Variants in MMS19 observed in about 807,000 individuals in gnomAD.
MMS19 encodes the protein MMS19 nucleotide excision repair protein homolog.
In MMS19, 77 loss-of-function variants were observed where a neutral mutation model predicts 129.8. That is an observed-to-expected ratio of 0.59 (90% CI 0.49 to 0.72). The LOEUF is 0.72. Among genes scored for constraint, MMS19 ranks in the 30% least tolerant of loss-of-function variants. The pLI, the probability that MMS19 is intolerant of heterozygous loss-of-function variation, is 0.00. For missense variants in MMS19, 1,168 were observed against 1,266.3 expected, an observed-to-expected ratio of 0.92 and a Z score of 1.18; for synonymous variants, 491 against 502.8, an observed-to-expected ratio of 0.98 and a Z score of 0.31.
intron 1 of MMS19, among the ~76,000 whole-genome samples, chr10:97,485,747 C>T (rs1174116823): frequency 5.3e-5 from 8 of 152,180 alleles, no homozygotes; most frequent in African/African-American, 1.4e-4. Context: ...CGCACCTAGA[C>T]GATGAAAATT....
intron 1 of MMS19, among the ~76,000 whole-genome samples, chr10:97,497,433 T>A (rs1282174266): frequency 6.6e-6 from 1 of 152,198 alleles, no homozygotes; most frequent in African/African-American, 2.4e-5. Context: ...TTCCAAAGTT[T>A]TTTTAAAAAA....
At chr10:97,476,397 T>C (rs2035786957) in intron 8 of MMS19, among the ~76,000 whole-genome samples, 1 of 152,208 alleles carries the variant, frequency 6.6e-6, no homozygotes, top group Admixed American at 6.5e-5. Context: ...TCTCCTATTG[T>C]TACTTAAATG....
intron 2 of MMS19, 68 bp downstream of exon 2, chr10:97,484,035 C>T (rs1283306075): frequency 6.5e-6 from 7 of 1,083,900 alleles, no homozygotes; most frequent in African/African-American, 3.2e-5. Context: ...AGCAGCAATG[C>T]GCAAAAGTAA....
chr10:97,476,864 T>C lies in MMS19; in HGVS notation c.593A>G (p.His198Arg), dbSNP rs746448644. ...RNLLVAFRIVHDLISRDYSLG... is the reference protein window; with the variant it reads ...RNLLVAFRIVRDLISRDYSLG... ...GCTATAGTCCCTGGAGATGAGGTCA[T>C]GGACGATGCGGAAGGCCACCAGAAG... is the stretch of plus-strand genomic sequence containing the variant. The change falls in exon 7 of 31, where the codon CAT (histidine) becomes CGT (arginine). Residue 198 changes from histidine (H) to arginine (R), a missense_variant. This residue lies in a region of MMS19 where 329 missense variants were observed against 328.6 expected (regional missense o/e 1.00). Transcript: ENST00000438925. 1.5e-5 allele frequency: 25 copies of C among 1,614,040 alleles called. No individual in the cohort carries two copies. The highest frequency in any genetic ancestry group is 2.2e-5 in the East Asian group (1 of 44,884).
intron 18 of MMS19, among the ~76,000 whole-genome samples, 176 bp from the exon 19 acceptor site, chr10:97,464,189 T>C (rs2032817112): frequency 6.6e-6 from 1 of 152,240 alleles, no homozygotes; most frequent in Non-Finnish European, 1.5e-5. Context: ...TCAGACTTCA[T>C]AGTTGAGACT....
intron 1 of MMS19, among the ~76,000 whole-genome samples, chr10:97,484,939 T>C (rs143004936): frequency 0.012 from 1,863 of 152,112 alleles, 34 homozygotes; most frequent in African/African-American, 0.043. Flanking sequence ...CCACTACCCC[T>C]GGCTAAGTAT....
rs756963247 is a variant in MMS19, at chr10:97,459,184, G to A, written c.2964+39C>T. The stretch of plus-strand genomic sequence containing the variant: ...AAAAAGGTACTTATGTGTCTCTTGA[G>A]ATGTTCCCAGGCCAGGGAAGGACAC... On this transcript the variant is annotated intron_variant, in intron 29 of 30. Coordinates refer to ENST00000438925, the MANE Select transcript of MMS19 (RefSeq NM_022362.5). 37 of 1,590,158 alleles carry A rather than the reference G, an allele frequency of 2.3e-5. No homozygotes were observed. In the South Asian group the frequency reaches 4.0e-4, roughly 17 times the overall value.
chr10:97,494,679 T>C (rs564266066), intron 1 of MMS19, among the ~76,000 whole-genome samples: 1 of 152,302 alleles, frequency 6.6e-6, no homozygotes, highest in Non-Finnish European at 1.5e-5. Context: ...ATCCATCACC[T>C]GCAAATTCAA....
chr10:97,484,116 C>G lies in MMS19; in HGVS notation c.148G>C (p.Val50Leu). Residue 50 changes from valine (V) to leucine (L), a missense_variant, in exon 2 of 31, where the codon GTG becomes CTG. By Grantham distance (32) the Val-to-Leu change is conservative (BLOSUM62 1). Coordinates refer to ENST00000438925, the MANE Select transcript of MMS19 (RefSeq NM_022362.5). ...KSGNYTVLQVVEALGSSLENP... is the reference protein window; with the variant it reads ...KSGNYTVLQVLEALGSSLENP... ...AGAGGCTCTTACCCAAGGGCTTCCA[C>G]AACTTGTAACACTGTATAGTTGCCA... The G allele has an allele frequency of 6.5e-7, 1 of 1,548,158 alleles. No homozygotes were observed. Among genetic ancestry groups the G allele is most frequent in the Non-Finnish European group, 8.8e-7 (1 of 1,141,582 alleles).
chr10:97,472,328 C>T (rs1248010138), intron 8 of MMS19, among the ~76,000 whole-genome samples: 1 of 152,218 alleles, frequency 6.6e-6, no homozygotes, highest in African/African-American at 2.4e-5. Context: ...CAGCCTCTGC[C>T]TCCAGGATTC....
chr10:97,466,219 G>A (rs765671064), intron 16 of MMS19, 60 bp from the exon 17 acceptor site: 16 of 1,366,698 alleles, frequency 1.2e-5, no homozygotes, highest in Middle Eastern at 2.1e-4. Flanking sequence ...TCTTGCCTAC[G>A]TCTGATATTA....
chr10:97,492,136 T>TAAAAAAAAAAA (rs35108950), intron 1 of MMS19, among the ~76,000 whole-genome samples: 1 of 98,262 alleles, frequency 1.0e-5, no homozygotes, highest in Non-Finnish European at 2.0e-5. Context: ...AAACTCAATC[T>TAAAAAAAAAAA]AAAAAAAAAA....
Position 97,461,913 on chromosome 10 carries a change from G to A in MMS19, c.2116-17C>T, listed in dbSNP as rs2032067741. Reference sequence around the variant, plus strand: ...GGAGCCATCCTATAAAGGAAGGAGAGCCCGATCAAGCCTGCCAGCAATAAG... The same window carrying A: ...GGAGCCATCCTATAAAGGAAGGAGAACCCGATCAAGCCTGCCAGCAATAAG... On this transcript the variant is annotated splice_polypyrimidine_tract_variant and intron_variant, in intron 21 of 30. Coordinates refer to ENST00000438925, the MANE Select transcript of MMS19 (RefSeq NM_022362.5). 6.3e-7 allele frequency: 1 copy of A among 1,593,790 alleles called. No homozygotes were observed. Among genetic ancestry groups the A allele is most frequent in the Non-Finnish European group, 8.5e-7 (1 of 1,170,364 alleles).
intron 1 of MMS19, among the ~76,000 whole-genome samples, chr10:97,495,769 T>G (rs1388371298): frequency 6.6e-6 from 1 of 152,244 alleles, no homozygotes; most frequent in African/African-American, 2.4e-5. Context: ...ACTATTCCTT[T>G]GTACCAACTT....
intron 1 of MMS19, among the ~76,000 whole-genome samples, chr10:97,497,144 C>T (rs563343565): frequency 1.4e-4 from 21 of 152,188 alleles, no homozygotes; most frequent in African/African-American, 3.9e-4. Context: ...ACGCTGCACA[C>T]ACCTCTTACA....
intron 18 of MMS19, among the ~76,000 whole-genome samples, chr10:97,464,547 C>T (rs1239181349): frequency 1.3e-5 from 2 of 152,170 alleles, no homozygotes; most frequent in Non-Finnish European, 2.9e-5. Flanking sequence ...AATGCAGATT[C>T]TGATCAGTGA....
chr10:97,458,526 G>A lies in MMS19; in HGVS notation c.*166C>T. The A allele has an allele frequency of 3.1e-6, 2 of 640,026 alleles. No homozygotes were observed. The highest frequency in any genetic ancestry group is 2.6e-6 in the Non-Finnish European group (1 of 377,622). 39.6% of individuals were successfully genotyped at this position (640,026 alleles called of 1,614,324 possible). ...ATTTTACAAATCCACTAGAAATATG[G>A]ACTCTTATGTTCTTTGTACAGCCAT... is the stretch of plus-strand genomic sequence containing the variant. On this transcript the variant is annotated 3_prime_UTR_variant, in exon 31 of 31. Coordinates refer to ENST00000438925, the MANE Select transcript of MMS19 (RefSeq NM_022362.5).
chr10:97,470,724 C>T, intron 9 of MMS19, 51 bp downstream of exon 9: 2 of 1,182,314 alleles, frequency 1.7e-6, no homozygotes, highest in Non-Finnish European at 2.5e-6. Flanking sequence ...GCTCTTTCTT[C>T]AGAGCCATCT....
Position 97,462,612 on chromosome 10 carries a change from A to C in MMS19, c.1983T>G (p.Ile661Met), listed in dbSNP as rs765736027. ...GGCTCAGGTGGGTTGTAGCAGTGCC[A>C]ATGACAGACACCATGGCAGCCAACA... ...DEVLAAMVSV[I>M]GTATTHLSPE... Residue 661 changes from isoleucine to methionine, a missense_variant, in exon 20 of 31, where the codon ATT becomes ATG. Ile to Met is a conservative substitution (Grantham distance 10, BLOSUM62 1). Around this residue, in one of 3 missense-constraint regions of MMS19, gnomAD observed 831 missense variants for 910.8 expected, o/e 0.91. Transcript: ENST00000438925. 6.2e-7 allele frequency: 1 copy of C among 1,613,994 alleles called. No homozygotes were observed. The highest frequency in any genetic ancestry group is 1.1e-5 in the South Asian group (1 of 91,084).
Sources: gnomAD v4.1 joint callset for allele counts (sites outside exome capture counted in the v4.1 genomes callset) on GRCh38, gnomAD v4.1.1 for gene constraint, gnomAD v4.1.1 regional missense constraint, MANE v1.5 for transcripts, NCBI Gene and HGNC (gene_info 2026-07-23, HGNC 2026-07-21) for gene names.